Variants in TFEC observed in about 807,000 individuals in gnomAD.
TFEC encodes the protein transcription factor EC.
A neutral mutation model predicts 41.6 loss-of-function variants in TFEC; 31 were observed. The ratio of observed to expected loss-of-function variants is 0.74; its 90% confidence interval spans 0.56 to 1.01. TFEC has a LOEUF of 1.01. Among genes scored for constraint, TFEC ranks in the 50% least tolerant of loss-of-function variants. TFEC has a pLI of 0.00. For missense variants in TFEC, 402 were observed against 404.1 expected, an observed-to-expected ratio of 0.99 and a Z score of 0.04; for synonymous variants, 143 against 140.6, an observed-to-expected ratio of 1.02 and a Z score of -0.12.
intron 3 of TFEC, among the ~76,000 whole-genome samples, chr7:116,101,122 G>A (rs569448110): frequency 1.3e-5 from 2 of 151,982 alleles, no homozygotes; most frequent in African/African-American, 2.4e-5. Context: ...ATTTGAAAAT[G>A]ATTGCATTTT....
chr7:116,033,478 ATG>A (rs1452183372), upstream of TFEC, among the ~76,000 whole-genome samples: 1 of 152,158 alleles, frequency 6.6e-6, no homozygotes, highest in Non-Finnish European at 1.5e-5. Context: ...AATAAATGCC[ATG>A]TGAGTTTTAC....
chr7:116,136,711 G>A (rs1429220683), intron 1 of TFEC, among the ~76,000 whole-genome samples: 1 of 151,716 alleles, frequency 6.6e-6, no homozygotes, highest in Non-Finnish European at 1.5e-5. Context: ...AAAAATGCAA[G>A]TCATATGAAT....
chr7:115,996,186 C>T (rs955551949), intron 1 of TFEC, among the ~76,000 whole-genome samples: 3 of 152,024 alleles, frequency 2.0e-5, no homozygotes, highest in Non-Finnish European at 4.4e-5. Context: ...TTTCCTTATG[C>T]TTGAGGAGGG....
intron 3 of TFEC, among the ~76,000 whole-genome samples, chr7:116,036,090 A>T (rs1417970605): frequency 3.3e-5 from 5 of 152,072 alleles, no homozygotes; most frequent in Non-Finnish European, 7.4e-5. Flanking sequence ...CATATAATAT[A>T]TAGATAATTG....
intron 2 of TFEC, among the ~76,000 whole-genome samples, chr7:115,978,545 G>T (rs918147368): frequency 1.3e-5 from 2 of 152,206 alleles, no homozygotes; most frequent in African/African-American, 2.4e-5. Flanking sequence ...TTATGCCTTT[G>T]CTCTGTTACC....
intron 3 of TFEC, among the ~76,000 whole-genome samples, chr7:116,094,498 A>C (rs1797404851): frequency 6.6e-6 from 1 of 152,020 alleles, no homozygotes; most frequent in South Asian, 2.1e-4. Flanking sequence ...GGCTAATATG[A>C]TGAAATCCCG....
intron 5 of TFEC, among the ~76,000 whole-genome samples, chr7:115,952,656 T>C (rs1792008678): frequency 2.0e-4 from 30 of 152,108 alleles, no homozygotes; most frequent in Admixed American, 1.9e-3. Context: ...GAATGAGAAA[T>C]CTGGCTCCCA....
intron 3 of TFEC, among the ~76,000 whole-genome samples, chr7:116,038,966 G>T (rs1055230441): frequency 3.9e-5 from 6 of 152,056 alleles, no homozygotes. Flanking sequence ...GAGACGAAAC[G>T]GGATGTGGAA....
At chr7:116,003,958 C>T (rs1794694078) in intron 1 of TFEC, among the ~76,000 whole-genome samples, 1 of 152,040 alleles carries the variant, frequency 6.6e-6, no homozygotes, top group Non-Finnish European at 1.5e-5. Context: ...ACACAACATT[C>T]TAAAATTTGT....
chr7:116,115,125 T>A (rs17138314), intron 1 of TFEC, among the ~76,000 whole-genome samples: 23,542 of 151,986 alleles, frequency 0.15, 1,978 homozygotes, highest in East Asian at 0.33. Context: ...TGTTAAGATG[T>A]ATTTTTCTAT....
intron 3 of TFEC, among the ~76,000 whole-genome samples, chr7:116,058,493 G>T (rs1246156987): frequency 6.6e-6 from 1 of 151,498 alleles, no homozygotes; most frequent in Non-Finnish European, 1.5e-5. Context: ...TAAAAGGACA[G>T]AAAAATTGGT....
At chr7:115,988,790 A>G (rs1320369361) in intron 1 of TFEC, among the ~76,000 whole-genome samples, 1 of 152,098 alleles carries the variant, frequency 6.6e-6, no homozygotes, top group African/African-American at 2.4e-5. Context: ...AACAATCTAT[A>G]CCTGGGCATA....
intron 1 of TFEC, among the ~76,000 whole-genome samples, chr7:116,134,178 A>C (rs1419120726): frequency 6.6e-6 from 1 of 152,188 alleles, no homozygotes; most frequent in Non-Finnish European, 1.5e-5. Flanking sequence ...AAATAAAATT[A>C]ATATAAAAGA....
intron 1 of TFEC, among the ~76,000 whole-genome samples, chr7:116,154,164 A>G (rs909458187): frequency 6.6e-6 from 1 of 152,196 alleles, no homozygotes; most frequent in Admixed American, 6.5e-5. Flanking sequence ...TAGTCTTCCT[A>G]TTCCTTATAA....
At chr7:116,061,539 G>C (rs188978400) in intron 3 of TFEC, among the ~76,000 whole-genome samples, 1 of 151,958 alleles carries the variant, frequency 6.6e-6, no homozygotes, top group Non-Finnish European at 1.5e-5. Flanking sequence ...TGTGAATTTG[G>C]GTAAAGGCAA....
chr7:115,969,640 G>A (rs1793040720), intron 3 of TFEC, among the ~76,000 whole-genome samples: 1 of 151,960 alleles, frequency 6.6e-6, no homozygotes. Context: ...GAATATTTCA[G>A]AAAGTTAATA....
chr7:116,008,192 GTTA>G (rs1794872313), intron 1 of TFEC, among the ~76,000 whole-genome samples: 1 of 152,116 alleles, frequency 6.6e-6, no homozygotes, highest in Non-Finnish European at 1.5e-5. Flanking sequence ...TTTTATCACT[GTTA>G]TTATAATAGC....
chr7:115,974,405 A>ATT (rs1318260510), intron 2 of TFEC, 149 bp from the exon 3 acceptor site: 3 of 68,338 alleles, frequency 4.4e-5, no homozygotes, highest in Non-Finnish European at 9.4e-5. Context: ...AAACCTCAAT[A>ATT]TTATATATAT....
At chr7:116,052,366 T>G (rs1245889892) in intron 3 of TFEC, among the ~76,000 whole-genome samples, 1 of 152,220 alleles carries the variant, frequency 6.6e-6, no homozygotes, top group South Asian at 2.1e-4. Context: ...AAAGCAGTGT[T>G]GCTTTACCTG....
Sources: gnomAD v4.1 joint callset for allele counts (sites outside exome capture counted in the v4.1 genomes callset) on GRCh38, gnomAD v4.1.1 for gene constraint, MANE v1.5 for transcripts, NCBI Gene and HGNC (gene_info 2026-07-23, HGNC 2026-07-21) for gene names.